The following NCF2 variants were observed in gnomAD, a reference collection of about 807,000 sequenced individuals.
NCF2 encodes neutrophil cytosolic factor 2, also known as neutrophil cytosol factor 2.
In NCF2, 45 loss-of-function variants were observed where a neutral mutation model predicts 70.9. The observed-to-expected ratio is 0.63, with a 90% CI of 0.50 to 0.81. The LOEUF (loss-of-function observed/expected upper bound fraction) is 0.81, where lower values mean the gene tolerates loss of function less well. NCF2 is among the 40% of genes least tolerant of loss of function. The probability of loss-of-function intolerance (pLI) is 0.00; values close to 1 mark genes in which losing one functional copy is unlikely to be tolerated. For synonymous variants in NCF2, 203 were observed against 233.6 expected, an observed-to-expected ratio of 0.87 and a Z score of 1.19; for missense variants, 522 against 631.6, an observed-to-expected ratio of 0.83 and a Z score of 1.86.
At chr1:183,598,535 AG>A in the NCF2 span, among the ~76,000 whole-genome samples, 1 of 152,130 alleles carries the variant, frequency 6.6e-6, no homozygotes, top group South Asian at 2.1e-4. Flanking sequence ...CAGAGATCAA[AG>A]GCAGAGTATA....
chr1:183,559,401 A>C (rs1474442581), intron 14 of NCF2, among the ~76,000 whole-genome samples: 2 of 152,214 alleles, frequency 1.3e-5, no homozygotes, highest in Non-Finnish European at 2.9e-5. Context: ...TTTTAAGGCA[A>C]AATTTACCTA....
At chr1:183,589,790 T>C (rs1449861541) in intron 1 of NCF2, among the ~76,000 whole-genome samples, 2 of 152,206 alleles carry the variant, frequency 1.3e-5, no homozygotes, top group Non-Finnish European at 2.9e-5. Flanking sequence ...TTAGAATCAA[T>C]AATCAGGTGT....
chr1:183,561,690 G>A (rs1672057677), intron 13 of NCF2, among the ~76,000 whole-genome samples: 1 of 143,600 alleles, frequency 7.0e-6, no homozygotes, highest in African/African-American at 2.6e-5. Context: ...ATGTTGGCCA[G>A]GCTGGTCTTA....
chr1:183,570,691 G>A, intron 6 of NCF2, 89 bp downstream of exon 6: 1 of 1,379,616 alleles, frequency 7.2e-7, no homozygotes, highest in Non-Finnish European at 1.0e-6. Flanking sequence ...TTACAATCAG[G>A]CAACTCAGCA....
At chr1:183,577,485 A>C in intron 3 of NCF2, 114 bp downstream of exon 3, 1 of 842,852 alleles carries the variant, frequency 1.2e-6, no homozygotes, top group South Asian at 1.4e-5. Context: ...CAGAGGAGGC[A>C]AAATGGCTTT....
At chr1:183,556,475 CAGAT>C (rs528899248) in intron 14 of NCF2, among the ~76,000 whole-genome samples, 1 of 152,112 alleles carries the variant, frequency 6.6e-6, no homozygotes, top group Non-Finnish European at 1.5e-5. Flanking sequence ...AAAAAGTTAC[CAGAT>C]AGAGAAGAAG....
At chr1:183,593,186 T>C (rs972642380), upstream of NCF2, among the ~76,000 whole-genome samples, 6 of 151,916 alleles carry the variant, frequency 3.9e-5, no homozygotes, top group African/African-American at 1.5e-4. Context: ...AACCCATGTT[T>C]GTATCCCCCA....
At position 183,560,125 on chromosome 1, in the gene NCF2, T is replaced by C; in HGVS notation, c.1439A>G (p.Glu480Gly). 1 of 1,614,124 alleles carries C rather than the reference T, an allele frequency of 6.2e-7. No homozygotes were observed. Among genetic ancestry groups the C allele is most frequent in the Non-Finnish European group, 8.5e-7 (1 of 1,179,988 alleles). ...ATQPEDLEFQ[E>G]GDIILVLSKV... is the part of the protein sequence containing the mutation. ...TGATAACACCAGGATTATATCCCCTTCCTGAAACTCCAGGTCCTCTGGTTG... is the reference window on the plus strand; with the variant it reads ...TGATAACACCAGGATTATATCCCCTCCCTGAAACTCCAGGTCCTCTGGTTG... The change falls in exon 14 of 15, where the codon GAA becomes GGA. Residue 480 changes from glutamate (E) to glycine (G), a missense_variant. Coordinates refer to ENST00000367535, the MANE Select transcript of NCF2 (RefSeq NM_000433.4).
chr1:183,568,124 C>T (rs951964195), intron 7 of NCF2, among the ~76,000 whole-genome samples: 8 of 151,998 alleles, frequency 5.3e-5, no homozygotes, highest in African/African-American at 1.9e-4. Context: ...GGAATGAGCT[C>T]ATCCAGCCCC....
chr1:183,574,590 T>G lies in NCF2; in HGVS notation c.398A>C (p.Lys133Thr), dbSNP rs1185083741. 1 of 1,614,184 alleles carries G rather than the reference T, an allele frequency of 6.2e-7. No homozygotes were observed. Among genetic ancestry groups the G allele is most frequent in the Non-Finnish European group, 8.5e-7 (1 of 1,180,040 alleles). Residue 133 changes from lysine to threonine, a missense_variant, in exon 4 of 15, where the codon AAG (lysine) becomes ACG (threonine). Coordinates refer to ENST00000367535, the MANE Select transcript of NCF2 (RefSeq NM_000433.4). ...VLYNIAFMYA[K>T]KEEWKKAEEQ... is the part of the protein sequence containing the mutation. The stretch of plus-strand genomic sequence containing the variant: ...TTCAGCTTTTTTCCATTCCTCCTTC[T>G]TGGCATACATGAAAGCAATGTTATA...
In NCF2 at chr1:183,574,610, G is replaced by A. The variant is rs748619343; in HGVS notation, c.378C>T (p.Asn126=). ...FKLFACEVLY[N]IAFMYAKKEE... is the part of the protein sequence containing the mutation. Reference sequence around the variant, plus strand: ...CCTTCTTGGCATACATGAAAGCAATGTTATATAACACCTAGAAAAGTACAG... The same window carrying A: ...CCTTCTTGGCATACATGAAAGCAATATTATATAACACCTAGAAAAGTACAG... Residue 126 remains asparagine, a synonymous_variant, in exon 4 of 15, where the codon AAC becomes AAT. Coordinates refer to ENST00000367535, the MANE Select transcript of NCF2 (RefSeq NM_000433.4). 23 of 1,614,154 alleles carry A rather than the reference G, an allele frequency of 1.4e-5. 1 individual carries two copies. The South Asian group carries it at 2.2e-4, about 15-fold the overall frequency.
chr1:183,567,047 C>T lies in NCF2; in HGVS notation c.856-59G>A. The T allele has an allele frequency of 2.5e-6, 4 of 1,610,964 alleles. No homozygotes were observed. The South Asian group carries it at 4.4e-5, about 18-fold the overall frequency. On this transcript the variant is annotated intron_variant, in intron 8 of 14. Transcript: ENST00000367535. ...AAATAAAGATGTGCTCATCAGTACCCACACCACAGAACAGCCCAGAGTCCT... is the reference window on the plus strand; with the variant it reads ...AAATAAAGATGTGCTCATCAGTACCTACACCACAGAACAGCCCAGAGTCCT...
the NCF2 span, among the ~76,000 whole-genome samples, chr1:183,599,423 C>CTTCTTTCTTTTTCTTTCT: frequency 2.8e-5 from 3 of 107,426 alleles, no homozygotes; most frequent in African/African-American, 7.6e-5. Flanking sequence ...TCTTTCTTTC[C>CTTCTTTCTTTTTCTTTCT]TTCTTTCTTT....
Position 183,565,791 on chromosome 1 carries a change from A to G in NCF2, c.925-12T>C. ...GGAGAGCTTTCCTCCTGAAGGCAACAGGGAGCGACGGTCAGAACCTTCATT... is the reference window on the plus strand; with the variant it reads ...GGAGAGCTTTCCTCCTGAAGGCAACGGGGAGCGACGGTCAGAACCTTCATT... On this transcript the variant is annotated splice_polypyrimidine_tract_variant and intron_variant, in intron 9 of 14. Coordinates refer to ENST00000367535, the MANE Select transcript of NCF2 (RefSeq NM_000433.4). 1 of 1,613,790 alleles carries G rather than the reference A, an allele frequency of 6.2e-7. No individual in the cohort carries two copies.
At chr1:183,583,557 CA>C (rs1190298946) in intron 2 of NCF2, among the ~76,000 whole-genome samples, 1 of 152,176 alleles carries the variant, frequency 6.6e-6, no homozygotes, top group African/African-American at 2.4e-5. Flanking sequence ...ATCCAACACT[CA>C]TTTATTGAGT....
Position 183,556,213 on chromosome 1 carries a change from C to T in NCF2, c.1486G>A (p.Glu496Lys), listed in dbSNP as rs1482490757. 3 of 1,614,038 alleles carry T rather than the reference C, an allele frequency of 1.9e-6. No individual in the cohort carries two copies. The highest frequency in any genetic ancestry group is 2.5e-6 in the Non-Finnish European group (3 of 1,180,016). The change falls in exon 15 of 15, where the codon GAA becomes AAA. Residue 496 changes from glutamate to lysine, a missense_variant. Transcript: ENST00000367535. Reference sequence around the variant, plus strand: ...CCCACCTTCCCTTTGCACTCCCCTTCCAGCCATTCTTCATTCACTGATAAA... The same window carrying T: ...CCCACCTTCCCTTTGCACTCCCCTTTCAGCCATTCTTCATTCACTGATAAA... ...VLSKVNEEWLEGECKGKVGIF... is the reference protein window; with the variant it reads ...VLSKVNEEWLKGECKGKVGIF...
At chr1:183,592,118 T>G (rs988241717), upstream of NCF2, among the ~76,000 whole-genome samples, 1 of 152,192 alleles carries the variant, frequency 6.6e-6, no homozygotes. Context: ...AATACTTAGA[T>G]GCAAACTCTT....
intron 2 of NCF2, among the ~76,000 whole-genome samples, chr1:183,584,915 A>T (rs35936159): frequency 6.6e-6 from 1 of 152,340 alleles, no homozygotes; most frequent in Non-Finnish European, 1.5e-5. Flanking sequence ...AAAAGAATTT[A>T]TAAAGTCACA....
rs1185435088 is a variant in NCF2, at chr1:183,555,818, A to G, written c.*300T>C. The G allele has an allele frequency of 2.2e-6, 1 of 446,480 alleles. No homozygotes were observed. The highest frequency in any genetic ancestry group is 2.0e-5 in the African/African-American group (1 of 50,706). 27.7% of individuals were successfully genotyped at this position (446,480 alleles called of 1,614,324 possible). On this transcript the variant is annotated 3_prime_UTR_variant, in exon 15 of 15. Coordinates refer to ENST00000367535, the MANE Select transcript of NCF2 (RefSeq NM_000433.4). Reference sequence around the variant, plus strand: ...GAACACAGCTGGCTAGCTAGCACTCAGAGCAAGAAACAGGATCAGTACCTG... The same window carrying G: ...GAACACAGCTGGCTAGCTAGCACTCGGAGCAAGAAACAGGATCAGTACCTG...
Sources: gnomAD v4.1 joint callset for allele counts (sites outside exome capture counted in the v4.1 genomes callset) on GRCh38, gnomAD v4.1.1 for gene constraint, MANE v1.5 for transcripts, NCBI Gene and HGNC (gene_info 2026-07-23, HGNC 2026-07-21) for gene names.